Variants in SDK1 observed in about 807,000 individuals in gnomAD.
SDK1 encodes protein sidekick-1.
Under a neutral mutation model 245.5 loss-of-function variants are expected in SDK1, and 157 were observed. The observed-to-expected ratio is 0.64, with a 90% CI of 0.56 to 0.73. The LOEUF is 0.73. Ranked by LOEUF, SDK1 falls within the 30% of genes least tolerant of loss-of-function variation. SDK1 has a pLI of 0.00. For synonymous variants in SDK1, 1,647 were observed against 1,278.5 expected (o/e 1.29, Z -6.15); for missense variants, 3,583 against 3,002.3 (o/e 1.19, Z -4.52).
At chr7:4,096,072 G>A (rs1782133033) in intron 22 of SDK1, among the ~76,000 whole-genome samples, 2 of 152,228 alleles carry the variant, frequency 1.3e-5, no homozygotes, top group African/African-American at 4.8e-5. Flanking sequence ...TAGCTGTAAA[G>A]CGTCCACTTT....
intron 22 of SDK1, among the ~76,000 whole-genome samples, chr7:4,099,565 A>C (rs1172080628): frequency 9.4e-5 from 9 of 95,354 alleles, no homozygotes; most frequent in Non-Finnish European, 6.4e-5. Flanking sequence ...GCGCTCACAG[A>C]GGATGAGGTG....
chr7:4,109,343 T>C lies in SDK1; in HGVS notation c.3325-1320T>C, dbSNP rs7792884. ...GCATGCCTGCTTACACAGTCTCCTCTGCATCCGTGTCGCCAGTTTACCAAG... is the reference window on the plus strand; with the variant it reads ...GCATGCCTGCTTACACAGTCTCCTCCGCATCCGTGTCGCCAGTTTACCAAG... On this transcript the variant is annotated intron_variant, in intron 22 of 44. Transcript: ENST00000404826. 7.6e-3 allele frequency among the ~76,000 whole-genome samples: 1,164 copies of C among 152,370 alleles called. 17 individuals carry two copies. The highest frequency in any genetic ancestry group is 0.027 in the African/African-American group (1,113 of 41,582).
chr7:3,484,468 C>CGGCT (rs756979974), intron 1 of SDK1, among the ~76,000 whole-genome samples: 3 of 152,158 alleles, frequency 2.0e-5, no homozygotes, highest in Non-Finnish European at 2.9e-5. Context: ...GACCGAGGAA[C>CGGCT]GGCTATATTT....
chr7:3,695,905 G>A (rs1784559374), intron 4 of SDK1, among the ~76,000 whole-genome samples: 2 of 152,164 alleles, frequency 1.3e-5, no homozygotes, highest in South Asian at 4.1e-4. Flanking sequence ...AAGCTAATGA[G>A]CAATTTTACT....
At position 3,776,705 on chromosome 7, in the gene SDK1, C is replaced by CT. The variant is rs751050683; in HGVS notation, c.714-44732dup. ...AGGAAAAAGAAAAGAAGATATTTTG[C>CT]TTTTTTTTTTTTTCTGGAAGAAATA... On this transcript the variant is annotated intron_variant, in intron 4 of 44. Coordinates refer to ENST00000404826, the MANE Select transcript of SDK1 (RefSeq NM_152744.4). Among the ~76,000 whole-genome samples, 359 of 143,422 alleles carry CT rather than the reference C, an allele frequency of 2.5e-3. 1 individual carries two copies. The highest frequency in any genetic ancestry group is 0.011 in the Middle Eastern group (3 of 264). 94.1% of individuals were successfully genotyped at this position (143,422 alleles called of 152,430 possible).
intron 17 of SDK1, among the ~76,000 whole-genome samples, chr7:4,038,558 C>A (rs7803030): frequency 0.31 from 47,696 of 152,132 alleles, 11,715 homozygotes; most frequent in African/African-American, 0.69. Context: ...GTCATCCATG[C>A]ATCTTCTAAT....
At chr7:3,589,465 C>T (rs143143370) in intron 1 of SDK1, among the ~76,000 whole-genome samples, 1 of 152,220 alleles carries the variant, frequency 6.6e-6, no homozygotes, top group Non-Finnish European at 1.5e-5. Flanking sequence ...GCGTATATTA[C>T]TATTGGCTGC....
intron 1 of SDK1, among the ~76,000 whole-genome samples, chr7:3,564,180 C>G (rs1779834561): frequency 6.6e-6 from 1 of 151,528 alleles, no homozygotes; most frequent in South Asian, 2.1e-4. Flanking sequence ...TTCAAGGAAA[C>G]AAGATAGAAA....
At chr7:4,153,117 G>A (rs771461184) in intron 30 of SDK1, among the ~76,000 whole-genome samples, 8 of 152,264 alleles carry the variant, frequency 5.3e-5, no homozygotes, top group East Asian at 1.9e-4. Context: ...GAGCTCTGTC[G>A]TGGGATAGGT....
intron 1 of SDK1, among the ~76,000 whole-genome samples, chr7:3,360,883 C>T (rs1044155719): frequency 4.3e-5 from 4 of 93,896 alleles, no homozygotes; most frequent in African/African-American, 2.5e-4. Flanking sequence ...ATAGTACTGC[C>T]TATGTGTCAT....
At chr7:3,868,963 AAG>A (rs549713259) in intron 5 of SDK1, among the ~76,000 whole-genome samples, 179 of 152,282 alleles carry the variant, frequency 1.2e-3, no homozygotes, top group African/African-American at 4.1e-3. Flanking sequence ...ACATTGTTGG[AAG>A]GCAGTAATAC....
At chr7:3,616,179 A>G (rs766592203) in intron 1 of SDK1, among the ~76,000 whole-genome samples, 2 of 152,210 alleles carry the variant, frequency 1.3e-5, no homozygotes, top group Admixed American at 6.5e-5. Context: ...AGCCACCACA[A>G]CTGGCTGTCC....
chr7:3,781,838 G>A (rs1780753838), intron 4 of SDK1, among the ~76,000 whole-genome samples: 2 of 152,128 alleles, frequency 1.3e-5, no homozygotes, highest in Non-Finnish European at 2.9e-5. Flanking sequence ...TAGTGATCTG[G>A]AAGACAGAAC....
At chr7:3,701,706 C>G (rs955732640) in intron 4 of SDK1, among the ~76,000 whole-genome samples, 4 of 152,116 alleles carry the variant, frequency 2.6e-5, no homozygotes, top group African/African-American at 7.2e-5. Flanking sequence ...CAAAGGATCA[C>G]TCTATTCAAT....
intron 1 of SDK1, among the ~76,000 whole-genome samples, chr7:3,559,587 C>T (rs1271392874): frequency 6.6e-6 from 1 of 152,116 alleles, no homozygotes; most frequent in Non-Finnish European, 1.5e-5. Flanking sequence ...GATTCACCAC[C>T]AGTGTCTTGC....
intron 5 of SDK1, among the ~76,000 whole-genome samples, chr7:3,862,840 G>T (rs116550878): frequency 0.014 from 2,101 of 152,246 alleles, 54 homozygotes; most frequent in African/African-American, 0.048. Flanking sequence ...GGGTAGGGAT[G>T]GTTTCAGGGT....
chr7:3,918,410 T>C (rs1391798174), intron 5 of SDK1, among the ~76,000 whole-genome samples: 1 of 152,262 alleles, frequency 6.6e-6, no homozygotes, highest in East Asian at 1.9e-4. Context: ...ACGAACCCTA[T>C]TGTGAGCTGT....
chr7:3,616,057 A>T (rs1051635882), intron 1 of SDK1, among the ~76,000 whole-genome samples: 3 of 151,846 alleles, frequency 2.0e-5, no homozygotes, highest in African/African-American at 7.3e-5. Context: ...CTAATTTTTT[A>T]AAAAACTTTT....
At chr7:3,332,462 C>T (rs1279322554) in intron 1 of SDK1, among the ~76,000 whole-genome samples, 1 of 152,056 alleles carries the variant, frequency 6.6e-6, no homozygotes, top group Non-Finnish European at 1.5e-5. Flanking sequence ...TAAAAATTGC[C>T]CTTTTTCACA....
Sources: gnomAD v4.1 joint callset for allele counts (sites outside exome capture counted in the v4.1 genomes callset) on GRCh38, gnomAD v4.1.1 for gene constraint, MANE v1.5 for transcripts, NCBI Gene and HGNC (gene_info 2026-07-23, HGNC 2026-07-21) for gene names.